DIP2C: variants seen among roughly 807,000 people sequenced by gnomAD.
DIP2C encodes the protein disco-interacting protein 2 homolog C.
A neutral mutation model predicts 192.4 loss-of-function variants in DIP2C; 33 were observed. The ratio of observed to expected loss-of-function variants is 0.17; its 90% CI spans 0.13 to 0.23. The LOEUF (loss-of-function observed/expected upper bound fraction) is 0.23, where lower values mean the gene tolerates loss of function less well. Ranked by LOEUF, DIP2C falls within the 10% of genes least tolerant of loss-of-function variation. DIP2C has a pLI of 1.00. For synonymous variants in DIP2C, 979 were observed against 864.1 expected (o/e 1.13, Z -2.33); for missense variants, 1,537 against 2,110.1 (o/e 0.73, Z 5.32).
At chr10:579,174 T>G (rs1274789981) in intron 1 of DIP2C, among the ~76,000 whole-genome samples, 1 of 151,444 alleles carries the variant, frequency 6.6e-6, no homozygotes, top group East Asian at 2.0e-4. Context: ...TGTACAAACC[T>G]AAGTGCACTA....
chr10:488,713 C>A (rs1844199837), intron 1 of DIP2C, among the ~76,000 whole-genome samples: 1 of 152,216 alleles, frequency 6.6e-6, no homozygotes, highest in African/African-American at 2.4e-5. Context: ...ATGGATGACG[C>A]CTCTGGGTAC....
chr10:462,980 A>C (rs1301747567), intron 3 of DIP2C, among the ~76,000 whole-genome samples: 1 of 152,224 alleles, frequency 6.6e-6, no homozygotes, highest in Non-Finnish European at 1.5e-5. Context: ...TTCATGCTAA[A>C]AACTCTCAAT....
chr10:348,570 G>A, intron 26 of DIP2C, 71 bp downstream of exon 26: 6 of 1,566,172 alleles, frequency 3.8e-6, no homozygotes, highest in African/African-American at 1.4e-5. Context: ...AGAGATGTCA[G>A]AGTCTGCGCG....
intron 26 of DIP2C, among the ~76,000 whole-genome samples, chr10:345,584 C>T (rs887518433): frequency 5.6e-5 from 8 of 143,034 alleles, no homozygotes; most frequent in South Asian, 2.3e-4. Flanking sequence ...AGACACACTG[C>T]GCATAGTTCT....
chr10:282,440 G>A (rs1954879525), intron 35 of DIP2C, among the ~76,000 whole-genome samples: 1 of 152,200 alleles, frequency 6.6e-6, no homozygotes, highest in African/African-American at 2.4e-5. Flanking sequence ...GGCCATTGTA[G>A]GTATGTTAGA....
chr10:349,859 A>G (rs1045445909), intron 24 of DIP2C, among the ~76,000 whole-genome samples: 1 of 152,254 alleles, frequency 6.6e-6, no homozygotes, highest in East Asian at 1.9e-4. Flanking sequence ...TAATTAAAAA[A>G]TTTTATTTAG....
At chr10:643,649 G>A (rs900465002) in intron 1 of DIP2C, among the ~76,000 whole-genome samples, 1 of 152,194 alleles carries the variant, frequency 6.6e-6, no homozygotes, top group Non-Finnish European at 1.5e-5. Context: ...GTCACTACTC[G>A]AATCACAGAG....
chr10:498,341 A>G (rs776005192), intron 1 of DIP2C, among the ~76,000 whole-genome samples: 3 of 152,216 alleles, frequency 2.0e-5, no homozygotes, highest in Non-Finnish European at 4.4e-5. Flanking sequence ...GGGCTCTAAC[A>G]GGAGATGCCT....
chr10:570,979 G>A (rs529859792), intron 1 of DIP2C, among the ~76,000 whole-genome samples: 143 of 152,294 alleles, frequency 9.4e-4, no homozygotes, highest in African/African-American at 3.1e-3. Context: ...CCGGAGCCCC[G>A]GCAGCAAGAG....
At chr10:595,433 T>C (rs191049208) in intron 1 of DIP2C, among the ~76,000 whole-genome samples, 1 of 152,292 alleles carries the variant, frequency 6.6e-6, no homozygotes, top group Admixed American at 6.5e-5. Flanking sequence ...GAAGAAAAAG[T>C]GAGTATCTCA....
chr10:472,216 C>A (rs6560845), intron 3 of DIP2C, among the ~76,000 whole-genome samples: 130,039 of 152,242 alleles, frequency 0.85, 57,992 homozygotes, highest in Non-Finnish European at 0.97. Context: ...AATTAATATG[C>A]AATTCTGAAT....
intron 3 of DIP2C, among the ~76,000 whole-genome samples, chr10:445,613 CAA>C (rs879500242): frequency 0.16 from 23,599 of 148,544 alleles, 4,932 homozygotes; most frequent in African/African-American, 0.48. Flanking sequence ...CATCTGTATA[CAA>C]CTGTTGCGAA....
intron 1 of DIP2C, among the ~76,000 whole-genome samples, chr10:561,273 T>C (rs565436643): frequency 2.8e-4 from 42 of 152,262 alleles, no homozygotes; most frequent in African/African-American, 9.1e-4. Context: ...GTACCTTTCA[T>C]GTGTATTTAT....
chr10:491,507 G>A (rs887640445), intron 1 of DIP2C, among the ~76,000 whole-genome samples: 1 of 152,168 alleles, frequency 6.6e-6, no homozygotes, highest in Non-Finnish European at 1.5e-5. Flanking sequence ...GCAGACCGGT[G>A]ACAGCTCCTG....
chr10:404,096 T>C (rs113719549), intron 9 of DIP2C, among the ~76,000 whole-genome samples: 3 of 147,352 alleles, frequency 2.0e-5, no homozygotes, highest in South Asian at 2.2e-4. Context: ...TGATTTTACA[T>C]GTGTGGTAGC....
intron 1 of DIP2C, among the ~76,000 whole-genome samples, chr10:628,320 C>T (rs968921841): frequency 5.3e-5 from 8 of 152,178 alleles, no homozygotes; most frequent in Admixed American, 5.2e-4. Context: ...AAGAACGAGA[C>T]CATTGGCCCA....
At chr10:601,324 C>T (rs1319368894) in intron 1 of DIP2C, among the ~76,000 whole-genome samples, 1 of 150,588 alleles carries the variant, frequency 6.6e-6, no homozygotes. Context: ...TTTAAAACTA[C>T]ATCCATGCTT....
intron 1 of DIP2C, among the ~76,000 whole-genome samples, chr10:580,093 A>G (rs1850510192): frequency 6.6e-6 from 1 of 152,150 alleles, no homozygotes; most frequent in Non-Finnish European, 1.5e-5. Context: ...ATACACATGC[A>G]CATTTGTATG....
At chr10:293,136 A>G (rs1955575561) in intron 32 of DIP2C, among the ~76,000 whole-genome samples, 1 of 152,248 alleles carries the variant, frequency 6.6e-6, no homozygotes, top group Non-Finnish European at 1.5e-5. Context: ...TCAGCAGAGC[A>G]TCCACTGGGA....
Sources: allele counts gnomAD v4.1 joint callset (sites outside exome capture counted in the v4.1 genomes callset), GRCh38; gene constraint gnomAD v4.1.1; transcripts MANE v1.5; gene names NCBI Gene and HGNC (gene_info 2026-07-23, HGNC 2026-07-21).